The following ARHGAP28 variants were observed in gnomAD, a reference collection of about 807,000 sequenced individuals.
The protein encoded by ARHGAP28 is rho GTPase-activating protein 28.
Under a neutral mutation model 90.7 loss-of-function variants are expected in ARHGAP28, and 56 were observed. That is an observed-to-expected ratio of 0.62 (90% CI 0.50 to 0.77). The LOEUF is 0.77. Among genes scored for constraint, ARHGAP28 ranks in the 30% least tolerant of loss-of-function variants. ARHGAP28 has a pLI of 0.00. For synonymous variants in ARHGAP28, 308 were observed against 323.3 expected (o/e 0.95, Z 0.51); for missense variants, 869 against 900.9 (o/e 0.96, Z 0.45).
chr18:6,892,015 G>C (rs1022154400), intron 14 of ARHGAP28, among the ~76,000 whole-genome samples: 13 of 152,152 alleles, frequency 8.5e-5, no homozygotes, highest in African/African-American at 3.1e-4. Flanking sequence ...TCATAATCAT[G>C]ATGAAAGACT....
At chr18:6,735,760 G>T (rs1226373166) in intron 1 of ARHGAP28, among the ~76,000 whole-genome samples, 1 of 151,948 alleles carries the variant, frequency 6.6e-6, no homozygotes, top group Non-Finnish European at 1.5e-5. Flanking sequence ...TTGCCGTGTT[G>T]CCCAGGCTGG....
At chr18:6,870,159 G>A (rs1600267257) in intron 6 of ARHGAP28, among the ~76,000 whole-genome samples, 1 of 152,192 alleles carries the variant, frequency 6.6e-6, no homozygotes, top group African/African-American at 2.4e-5. Context: ...AGGAGTCAAA[G>A]CAGAGAGGAA....
At chr18:6,757,475 C>T (rs1396784813) in intron 1 of ARHGAP28, among the ~76,000 whole-genome samples, 1 of 152,130 alleles carries the variant, frequency 6.6e-6, no homozygotes, top group Non-Finnish European at 1.5e-5. Flanking sequence ...ATTCTAGGAA[C>T]ATACCGACGA....
chr18:6,903,982 A>T (rs572123179), intron 16 of ARHGAP28, among the ~76,000 whole-genome samples: 2 of 152,220 alleles, frequency 1.3e-5, no homozygotes, highest in Non-Finnish European at 2.9e-5. Flanking sequence ...GGAGAACATG[A>T]AAACCTCTAA....
At chr18:6,839,627 G>C (rs1012500123) in intron 3 of ARHGAP28, among the ~76,000 whole-genome samples, 1 of 152,160 alleles carries the variant, frequency 6.6e-6, no homozygotes. Flanking sequence ...GTTAGTGCAA[G>C]TTTCTAAGTC....
chr18:6,823,055 T>A (rs1265057780), intron 1 of ARHGAP28, among the ~76,000 whole-genome samples: 1 of 152,196 alleles, frequency 6.6e-6, no homozygotes, highest in Non-Finnish European at 1.5e-5. Flanking sequence ...ACCTGGGAGC[T>A]CTTGTTTGAG....
At chr18:6,900,961 A>G (rs2057335260) in intron 16 of ARHGAP28, among the ~76,000 whole-genome samples, 1 of 152,090 alleles carries the variant, frequency 6.6e-6, no homozygotes, top group Non-Finnish European at 1.5e-5. Context: ...TTCGGAAGCC[A>G]TGAAGGCTGG....
intron 4 of ARHGAP28, among the ~76,000 whole-genome samples, chr18:6,858,908 T>TGTATA (rs2056975523): frequency 6.6e-6 from 1 of 152,080 alleles, no homozygotes; most frequent in African/African-American, 2.4e-5. Context: ...TGTAAAATAA[T>TGTATA]GTATAGTATC....
chr18:6,770,836 A>G (rs2056236972), intron 1 of ARHGAP28, among the ~76,000 whole-genome samples: 1 of 152,144 alleles, frequency 6.6e-6, no homozygotes, highest in Admixed American at 6.5e-5. Flanking sequence ...TTGAATTCAG[A>G]AAAACATAAA....
intron 12 of ARHGAP28, among the ~76,000 whole-genome samples, chr18:6,889,653 G>T (rs2057248721): frequency 6.6e-6 from 1 of 152,152 alleles, no homozygotes; most frequent in African/African-American, 2.4e-5. Context: ...TATAGAAACT[G>T]CAATATAATA....
In ARHGAP28 at chr18:6,729,836, C is replaced by T; in HGVS notation, c.15C>T (p.Asp5=). The T allele has an allele frequency of 1.4e-6, 2 of 1,423,204 alleles. No individual in the cohort carries two copies. Among genetic ancestry groups the T allele is most frequent in the Non-Finnish European group, 1.8e-6 (2 of 1,090,862 alleles). 88.2% of individuals were successfully genotyped at this position (1,423,204 alleles called of 1,614,324 possible). A position where few individuals can be genotyped will look rare whatever the true frequency, so the allele number is the denominator to read the frequency against. The change falls in exon 1 of 18, where the codon GAC becomes GAT. Residue 5 remains aspartate (D), a synonymous_variant. Transcript: ENST00000383472. ...CGCGGCTGACGATGGAGGTGGAGGA[C>T]TCGGGCGGCGTGGTGCTGACCGCCT... MEVE[D]SGGVVLTAYH...
chr18:6,864,315 C>T (rs868157703), intron 5 of ARHGAP28, among the ~76,000 whole-genome samples: 1 of 152,188 alleles, frequency 6.6e-6, no homozygotes, highest in African/African-American at 2.4e-5. Context: ...CCACCTGCCT[C>T]GGCCTCCCAA....
intron 11 of ARHGAP28, among the ~76,000 whole-genome samples, chr18:6,886,914 G>T (rs2057226001): frequency 6.6e-6 from 1 of 152,160 alleles, no homozygotes; most frequent in African/African-American, 2.4e-5. Flanking sequence ...TCCAAATCCA[G>T]AATTATTCTG....
chr18:6,776,771 G>A (rs1206573609), intron 1 of ARHGAP28, among the ~76,000 whole-genome samples: 1 of 152,090 alleles, frequency 6.6e-6, no homozygotes, highest in Non-Finnish European at 1.5e-5. Context: ...GTGGTAGATC[G>A]GAGATTCAAT....
intron 2 of ARHGAP28, among the ~76,000 whole-genome samples, chr18:6,832,488 G>GCT: frequency 6.6e-6 from 1 of 151,974 alleles, no homozygotes; most frequent in Admixed American, 6.6e-5. Flanking sequence ...AGTACTGAGA[G>GCT]AAGTTGTTAA....
intron 1 of ARHGAP28, among the ~76,000 whole-genome samples, chr18:6,783,978 G>C (rs2056347084): frequency 6.6e-6 from 1 of 152,152 alleles, no homozygotes; most frequent in African/African-American, 2.4e-5. Context: ...CCTCCTGGTT[G>C]CTGTTAAGTT....
intron 1 of ARHGAP28, among the ~76,000 whole-genome samples, chr18:6,764,263 C>G (rs567967926): frequency 2.6e-5 from 4 of 152,216 alleles, no homozygotes; most frequent in South Asian, 2.1e-4. Flanking sequence ...TATAAGCCCA[C>G]GTCCAAAGAG....
chr18:6,733,197 T>C (rs1395045043), intron 1 of ARHGAP28, among the ~76,000 whole-genome samples: 1 of 152,194 alleles, frequency 6.6e-6, no homozygotes, highest in Non-Finnish European at 1.5e-5. Flanking sequence ...TGCGATATAT[T>C]GACAGTAAGG....
At position 6,915,201 on chromosome 18, in the gene ARHGAP28, T is replaced by G. The variant is rs1235695531; in HGVS notation, c.*3047T>G. On this transcript the variant is annotated 3_prime_UTR_variant, in exon 18 of 18. Coordinates refer to ENST00000383472, the MANE Select transcript of ARHGAP28 (RefSeq NM_001366230.1). ...GCTCATTGTCTTGAGTTTCTAACCA[T>G]GTGCAGATGCAAGCGTTCAGGAGTA... 2 of 152,254 alleles carry G rather than the reference T, an allele frequency of 1.3e-5. No homozygotes were observed. Among genetic ancestry groups the G allele is most frequent in the Non-Finnish European group, 2.9e-5 (2 of 68,042 alleles). The allele number at this position is 152,254 out of a possible 1,614,324, so 9.4% of individuals were successfully genotyped here.
Sources: allele counts gnomAD v4.1 joint callset (sites outside exome capture counted in the v4.1 genomes callset), GRCh38; gene constraint gnomAD v4.1.1; transcripts MANE v1.5; gene names NCBI Gene and HGNC (gene_info 2026-07-23, HGNC 2026-07-21).